Variants in ATG10 observed in about 807,000 individuals in gnomAD.
ATG10 encodes autophagy related 10, also known as ubiquitin-like-conjugating enzyme ATG10.
A neutral mutation model predicts 32.1 loss-of-function variants in ATG10; 30 were observed. The observed-to-expected ratio is 0.94, with a 90% CI of 0.70 to 1.27. ATG10 has a LOEUF of 1.27. Among genes scored for constraint, ATG10 ranks in the 50% most tolerant of loss-of-function variants. The probability of loss-of-function intolerance (pLI) is 0.00; values close to 1 mark genes in which losing one functional copy is unlikely to be tolerated. For synonymous variants in ATG10, 87 were observed against 91.5 expected (o/e 0.95, Z 0.28); for missense variants, 233 against 262.3 (o/e 0.89, Z 0.77).
chr5:81,983,866 G>T (rs1372549230), intron 1 of ATG10, among the ~76,000 whole-genome samples: 1 of 151,682 alleles, frequency 6.6e-6, no homozygotes, highest in Non-Finnish European at 1.5e-5. Flanking sequence ...TCCCAGACGG[G>T]GCAGCGGGGC....
At chr5:82,034,774 C>T (rs942575274) in intron 2 of ATG10, among the ~76,000 whole-genome samples, 1 of 152,230 alleles carries the variant, frequency 6.6e-6, no homozygotes, top group Middle Eastern at 3.4e-3. Flanking sequence ...TTATGACTTG[C>T]CCCCTTACTT....
At chr5:81,992,977 A>G (rs1416860681) in intron 2 of ATG10, among the ~76,000 whole-genome samples, 1 of 152,174 alleles carries the variant, frequency 6.6e-6, no homozygotes, top group Non-Finnish European at 1.5e-5. Flanking sequence ...AGGCAGGATA[A>G]TTCTTGTTCC....
chr5:82,162,959 G>A (rs927396395), intron 3 of ATG10, among the ~76,000 whole-genome samples: 2 of 152,168 alleles, frequency 1.3e-5, no homozygotes, highest in Admixed American at 6.5e-5. Flanking sequence ...AGGTATAGGA[G>A]TGCTGAGATG....
At chr5:82,097,290 T>C (rs2149798840) in intron 3 of ATG10, among the ~76,000 whole-genome samples, 1 of 152,314 alleles carries the variant, frequency 6.6e-6, no homozygotes, top group Non-Finnish European at 1.5e-5. Flanking sequence ...AACCCAAATA[T>C]TCCTGATAAA....
intron 5 of ATG10, among the ~76,000 whole-genome samples, chr5:82,245,949 C>T (rs937261143): frequency 2.6e-5 from 4 of 152,074 alleles, no homozygotes; most frequent in Non-Finnish European, 1.5e-5. Flanking sequence ...TAGAAGAGTG[C>T]TCATGATTAA....
chr5:82,222,096 T>G (rs1745952021), intron 5 of ATG10, among the ~76,000 whole-genome samples: 1 of 152,344 alleles, frequency 6.6e-6, no homozygotes, highest in Admixed American at 6.5e-5. Context: ...CTCCCCAGTG[T>G]TATAGAAAGA....
At chr5:82,034,539 A>G (rs1190904980) in intron 2 of ATG10, among the ~76,000 whole-genome samples, 1 of 152,192 alleles carries the variant, frequency 6.6e-6, no homozygotes. Context: ...CTCTTTTACT[A>G]AAAACCTTCC....
At chr5:82,195,466 C>T (rs114324602) in intron 5 of ATG10, among the ~76,000 whole-genome samples, 4,942 of 152,144 alleles carry the variant, frequency 0.032, 111 homozygotes, top group Middle Eastern at 0.051. Flanking sequence ...GAGGGTCAGC[C>T]CAGAGGAGAT....
chr5:82,197,799 A>G (rs1037901762), intron 5 of ATG10, among the ~76,000 whole-genome samples: 5 of 151,936 alleles, frequency 3.3e-5, no homozygotes, highest in East Asian at 1.9e-4. Context: ...GATTTGTTCA[A>G]CCAAACTAAG....
intron 5 of ATG10, among the ~76,000 whole-genome samples, chr5:82,187,036 G>C (rs1022898813): frequency 3.9e-5 from 6 of 152,092 alleles, no homozygotes; most frequent in African/African-American, 1.4e-4. Context: ...GGCCAGGCAT[G>C]GTGGCTCATA....
intron 5 of ATG10, among the ~76,000 whole-genome samples, chr5:82,245,412 TA>T: frequency 6.6e-6 from 1 of 152,228 alleles, no homozygotes; most frequent in Middle Eastern, 3.2e-3. Context: ...TTCTCTACTC[TA>T]CTTTCCGTGA....
At chr5:82,181,764 C>T (rs1239483806) in intron 5 of ATG10, among the ~76,000 whole-genome samples, 3 of 152,070 alleles carry the variant, frequency 2.0e-5, no homozygotes, top group African/African-American at 7.2e-5. Context: ...TGATTGTGCT[C>T]ATATAGTTTG....
At chr5:82,133,565 C>T (rs1766623419) in intron 3 of ATG10, among the ~76,000 whole-genome samples, 1 of 151,988 alleles carries the variant, frequency 6.6e-6, no homozygotes, top group Non-Finnish European at 1.5e-5. Context: ...GGCCTCTGTT[C>T]TGTTCCATTG....
chr5:81,999,646 TAAAG>T lies in ATG10; in HGVS notation c.108+11972_108+11975del, dbSNP rs1761790968. Among the ~76,000 whole-genome samples the T allele has an allele frequency of 3.3e-5, 5 of 150,500 alleles. No homozygotes were observed. The South Asian group carries it at 1.0e-3, about 31-fold the overall frequency. ...ATAGGTAGACTGCTAGCTAGACTAA[TAAAG>T]AAAAAAGAGAGAAGATCCAAATAAA... On this transcript the variant is annotated intron_variant, in intron 2 of 7. Coordinates refer to ENST00000282185, the MANE Select transcript of ATG10 (RefSeq NM_031482.5).
chr5:82,027,324 A>G (rs1448934898), intron 2 of ATG10, among the ~76,000 whole-genome samples: 1 of 152,048 alleles, frequency 6.6e-6, no homozygotes, highest in African/African-American at 2.4e-5. Flanking sequence ...GCTTGAGCTT[A>G]GGATGTTGAG....
rs190255589 is a variant in ATG10 at position 82,149,660 on chromosome 5, C to T, written c.217-14739C>T. Among the ~76,000 whole-genome samples the T allele has an allele frequency of 5.1e-4, 78 of 152,034 alleles. No homozygotes were observed. In the East Asian group the frequency reaches 0.014, roughly 26 times the overall value. On this transcript the variant is annotated intron_variant, in intron 3 of 7. Coordinates refer to ENST00000282185, the MANE Select transcript of ATG10 (RefSeq NM_031482.5). ...CTGTGCCTGCCTGTCATGCTGTAAGCCTACACTGACAGTTTGAAAATCTTG... is the reference window on the plus strand; with the variant it reads ...CTGTGCCTGCCTGTCATGCTGTAAGTCTACACTGACAGTTTGAAAATCTTG...
chr5:82,080,269 G>A (rs1764427806), intron 3 of ATG10, among the ~76,000 whole-genome samples: 1 of 152,108 alleles, frequency 6.6e-6, no homozygotes, highest in Admixed American at 6.5e-5. Context: ...TTAGCCCTTT[G>A]TCAGATGAGT....
intron 5 of ATG10, among the ~76,000 whole-genome samples, chr5:82,226,633 A>G (rs575246066): frequency 6.6e-6 from 1 of 152,350 alleles, no homozygotes; most frequent in East Asian, 1.9e-4. Flanking sequence ...GTACATAGCA[A>G]TACTTTAATA....
chr5:82,131,858 C>T (rs951451227), intron 3 of ATG10, among the ~76,000 whole-genome samples: 5 of 152,042 alleles, frequency 3.3e-5, no homozygotes, highest in Non-Finnish European at 5.9e-5. Flanking sequence ...AAGAAGCATC[C>T]TGGCATCTGC....
Sources: gnomAD v4.1 joint callset for allele counts (sites outside exome capture counted in the v4.1 genomes callset) on GRCh38, gnomAD v4.1.1 for gene constraint, MANE v1.5 for transcripts, NCBI Gene and HGNC (gene_info 2026-07-23, HGNC 2026-07-21) for gene names.